The following NCAM2 variants were observed in gnomAD, a reference collection of about 807,000 sequenced individuals.
The protein encoded by NCAM2 is N-CAM-2.
Under a neutral mutation model 98.1 loss-of-function variants are expected in NCAM2, and 30 were observed. The ratio of observed to expected loss-of-function variants is 0.31; its 90% CI spans 0.23 to 0.41. The LOEUF is 0.41. Ranked by LOEUF, NCAM2 falls within the 10% of genes least tolerant of loss-of-function variation. NCAM2 has a pLI of 1.00. For missense variants in NCAM2, 867 were observed against 1,005.8 expected, an observed-to-expected ratio of 0.86 and a Z score of 1.87; for synonymous variants, 368 against 342.4, an observed-to-expected ratio of 1.07 and a Z score of -0.83.
At chr21:21,485,519 C>G (rs964696988) in intron 15 of NCAM2, among the ~76,000 whole-genome samples, 2 of 152,174 alleles carry the variant, frequency 1.3e-5, no homozygotes, top group East Asian at 3.9e-4. Context: ...AAAGGAATTT[C>G]GATTTGAGGG....
At chr21:21,153,646 G>C (rs780162076) in intron 1 of NCAM2, among the ~76,000 whole-genome samples, 1 of 151,860 alleles carries the variant, frequency 6.6e-6, no homozygotes, top group South Asian at 2.1e-4. Flanking sequence ...TTTAGTCATG[G>C]TGGGGGGTAC....
intron 1 of NCAM2, among the ~76,000 whole-genome samples, chr21:21,199,170 A>G (rs80201506): frequency 0.018 from 2,688 of 152,282 alleles, 66 homozygotes; most frequent in African/African-American, 0.061. Context: ...AGGAACATCT[A>G]ATATCTCCAG....
At chr21:21,076,530 G>C (rs563691717) in intron 1 of NCAM2, among the ~76,000 whole-genome samples, 1 of 151,870 alleles carries the variant, frequency 6.6e-6, no homozygotes, top group African/African-American at 2.4e-5. Flanking sequence ...TCCCTCTTCC[G>C]TCCTTTGTTT....
intron 8 of NCAM2, among the ~76,000 whole-genome samples, chr21:21,340,277 AG>A (rs1412134544): frequency 1.3e-5 from 2 of 151,922 alleles, no homozygotes; most frequent in African/African-American, 2.4e-5. Context: ...ATCTTCTCAA[AG>A]ATAGTTTTTA....
At chr21:21,143,535 CCT>C (rs2067210885) in intron 1 of NCAM2, among the ~76,000 whole-genome samples, 1 of 152,094 alleles carries the variant, frequency 6.6e-6, no homozygotes, top group Non-Finnish European at 1.5e-5. Flanking sequence ...ACCAGATTTT[CCT>C]CTGTGTATAG....
intron 12 of NCAM2, among the ~76,000 whole-genome samples, chr21:21,452,520 ATATAT>A (rs1279413860): frequency 1.5e-5 from 2 of 129,552 alleles, no homozygotes; most frequent in Non-Finnish European, 3.1e-5. Flanking sequence ...AATATATAAA[ATATAT>A]TATATATTAT....
intron 1 of NCAM2, among the ~76,000 whole-genome samples, chr21:21,134,825 C>T (rs2067009774): frequency 6.6e-6 from 1 of 151,882 alleles, no homozygotes; most frequent in African/African-American, 2.4e-5. Context: ...GGGATCCTCC[C>T]ACCTCAGCCT....
chr21:21,399,961 G>T (rs978084635), intron 9 of NCAM2, among the ~76,000 whole-genome samples: 2 of 152,142 alleles, frequency 1.3e-5, no homozygotes, highest in Non-Finnish European at 2.9e-5. Flanking sequence ...GCAGGAGAAT[G>T]CAGTGATCAG....
intron 9 of NCAM2, chr21:21,385,689 C>T (rs1441644190): frequency 7.8e-7 from 1 of 1,278,408 alleles, no homozygotes; most frequent in Non-Finnish European, 1.0e-6. Flanking sequence ...TTGAACTAAA[C>T]TTCCAATTTC....
intron 1 of NCAM2, among the ~76,000 whole-genome samples, chr21:21,022,581 A>G (rs534199879): frequency 1.3e-5 from 2 of 152,268 alleles, no homozygotes; most frequent in South Asian, 4.1e-4. Context: ...ATACTTACAC[A>G]CAGGCTAATT....
chr21:21,147,151 C>T (rs1367242915), intron 1 of NCAM2: 4 of 985,318 alleles, frequency 4.1e-6, no homozygotes, highest in African/African-American at 1.7e-5. Context: ...TGAAATCTCG[C>T]GCCCTGTCCC....
chr21:21,038,566 T>G (rs554713065), intron 1 of NCAM2, among the ~76,000 whole-genome samples: 2 of 152,294 alleles, frequency 1.3e-5, no homozygotes, highest in East Asian at 3.9e-4. Flanking sequence ...CTTAATCCCC[T>G]TTTGCTCAGT....
chr21:21,196,536 A>C (rs1045208489), intron 1 of NCAM2, among the ~76,000 whole-genome samples: 2 of 152,152 alleles, frequency 1.3e-5, no homozygotes, highest in African/African-American at 4.8e-5. Context: ...TTGTGACATA[A>C]GATGTATGGA....
intron 1 of NCAM2, among the ~76,000 whole-genome samples, chr21:21,125,928 C>G (rs2066812007): frequency 6.6e-6 from 1 of 151,374 alleles, no homozygotes; most frequent in Non-Finnish European, 1.5e-5. Flanking sequence ...TTCCTTTCTT[C>G]ACTAGTGTAT....
At chr21:21,204,651 A>G (rs1231616806) in intron 1 of NCAM2, among the ~76,000 whole-genome samples, 4 of 152,134 alleles carry the variant, frequency 2.6e-5, no homozygotes, top group Admixed American at 6.6e-5. Flanking sequence ...GAATATTTAC[A>G]TATACCAAAG....
chr21:21,279,896 C>T (rs2072867707), intron 1 of NCAM2, among the ~76,000 whole-genome samples: 1 of 152,182 alleles, frequency 6.6e-6, no homozygotes, highest in South Asian at 2.1e-4. Flanking sequence ...CTCTTTTCTA[C>T]CATATTGTTA....
chr21:21,201,207 A>C (rs2069207305), intron 1 of NCAM2, among the ~76,000 whole-genome samples: 1 of 152,182 alleles, frequency 6.6e-6, no homozygotes, highest in Non-Finnish European at 1.5e-5. Flanking sequence ...AGGAAATATG[A>C]GAAGACTATG....
intron 1 of NCAM2, among the ~76,000 whole-genome samples, chr21:21,133,821 T>G (rs1027186222): frequency 6.6e-6 from 1 of 152,034 alleles, no homozygotes; most frequent in Non-Finnish European, 1.5e-5. Flanking sequence ...CCCAACCAAC[T>G]TTCACTGGAG....
At chr21:21,087,215 A>G (rs2065922450) in intron 1 of NCAM2, among the ~76,000 whole-genome samples, 1 of 151,994 alleles carries the variant, frequency 6.6e-6, no homozygotes, top group Non-Finnish European at 1.5e-5. Context: ...GATTTATGTT[A>G]TGTTGTCTAT....
Sources: allele counts gnomAD v4.1 joint callset (sites outside exome capture counted in the v4.1 genomes callset), GRCh38; gene constraint gnomAD v4.1.1; transcripts MANE v1.5; gene names NCBI Gene and HGNC (gene_info 2026-07-23, HGNC 2026-07-21).